LRRTM4: variants seen among roughly 807,000 people sequenced by gnomAD.
LRRTM4 encodes the protein leucine rich repeat transmembrane neuronal 4.
LRRTM4 carries 25 observed loss-of-function variants against 47.6 expected under a neutral mutation model. The ratio of observed to expected loss-of-function variants is 0.53; its 90% confidence interval spans 0.38 to 0.73. LRRTM4 has a LOEUF of 0.73. Ranked by LOEUF, LRRTM4 falls within the 30% of genes least tolerant of loss-of-function variation. The pLI is 0.00. For missense variants in LRRTM4, 638 were observed against 713.4 expected (o/e 0.89, Z 1.20); for synonymous variants, 311 against 269.5 (o/e 1.15, Z -1.51).
At chr2:76,992,712 TAG>T (rs1408679631) in intron 3 of LRRTM4, among the ~76,000 whole-genome samples, 2 of 151,492 alleles carry the variant, frequency 1.3e-5, no homozygotes, top group South Asian at 2.1e-4. Flanking sequence ...AAACAACCTG[TAG>T]ATTCAATGCT....
chr2:76,968,607 ATTCTG>A (rs1676117528), intron 3 of LRRTM4, among the ~76,000 whole-genome samples: 1 of 151,382 alleles, frequency 6.6e-6, no homozygotes, highest in Non-Finnish European at 1.5e-5. Flanking sequence ...TTAGCTAACT[ATTCTG>A]TTTGGGGTTA....
At chr2:77,321,944 C>A (rs1677805818) in intron 3 of LRRTM4, among the ~76,000 whole-genome samples, 1 of 152,116 alleles carries the variant, frequency 6.6e-6, no homozygotes, top group South Asian at 2.1e-4. Context: ...TCTACATTCT[C>A]TTGAGAGGAT....
At chr2:76,864,432 C>T (rs1047066485) in intron 3 of LRRTM4, among the ~76,000 whole-genome samples, 15 of 151,656 alleles carry the variant, frequency 9.9e-5, no homozygotes, top group Non-Finnish European at 1.6e-4. Flanking sequence ...CCTAGGCGGG[C>T]GGATCATCTG....
intron 3 of LRRTM4, among the ~76,000 whole-genome samples, chr2:76,808,517 A>G (rs1670630842): frequency 6.6e-6 from 1 of 152,012 alleles, no homozygotes. Context: ...TGCCGAAAGA[A>G]ACACAATCAC....
At chr2:76,951,699 T>G (rs891527438) in intron 3 of LRRTM4, among the ~76,000 whole-genome samples, 1 of 151,928 alleles carries the variant, frequency 6.6e-6, no homozygotes, top group Non-Finnish European at 1.5e-5. Flanking sequence ...CGTGCCATGG[T>G]GGTTTGCTGC....
In LRRTM4 at chr2:77,519,832, T is replaced by C. The variant is rs1193965764; in HGVS notation, c.37A>G (p.Ser13Gly). Residue 13 changes from serine (S) to glycine (G), a missense_variant, in exon 3 of 4, where the codon AGT (serine) becomes GGT (glycine). Physicochemically the swap from Ser to Gly is moderately conservative, Grantham distance 56 (BLOSUM62 0). Coordinates refer to ENST00000409884, the MANE Select transcript of LRRTM4 (RefSeq NM_001134745.3). The surrounding 1 kb of genome is among the most constrained non-coding windows in gnomAD (Gnocchi z 4.6). The stretch of plus-strand genomic sequence containing the variant: ...GTAGGAAGTAGCACCAGCACCACAC[T>C]CATGCCTTTCAGCTGCGTAATTAAA... ...FHLITQLKGMSVVLVLLPTLL... is the reference protein window; with the variant it reads ...FHLITQLKGMGVVLVLLPTLL... 3.1e-6 allele frequency: 5 copies of C among 1,610,166 alleles called. No individual in the cohort carries two copies. The highest frequency in any genetic ancestry group is 4.2e-6 in the Non-Finnish European group (5 of 1,177,876).
At chr2:76,787,596 G>T (rs1014053792) in intron 3 of LRRTM4, among the ~76,000 whole-genome samples, 2 of 151,588 alleles carry the variant, frequency 1.3e-5, no homozygotes, top group Non-Finnish European at 2.9e-5. Context: ...TTAGTGTTTT[G>T]GTTAAATTGA....
At chr2:77,513,044 AGACAATC>A (rs1366069507) in intron 3 of LRRTM4, among the ~76,000 whole-genome samples, 1 of 152,208 alleles carries the variant, frequency 6.6e-6, no homozygotes, top group Non-Finnish European at 1.5e-5. Flanking sequence ...GACCTAATTC[AGACAATC>A]GATTTTTTAA....
chr2:77,515,632 G>A (rs1200380050), intron 3 of LRRTM4, among the ~76,000 whole-genome samples: 1 of 151,550 alleles, frequency 6.6e-6, no homozygotes, highest in Non-Finnish European at 1.5e-5. Flanking sequence ...TCACAAAAAT[G>A]TCTTATAAAT....
At position 77,487,795 on chromosome 2, in the gene LRRTM4, G is replaced by C. The variant is rs369109505; in HGVS notation, c.1551+30523C>G. Among the ~76,000 whole-genome samples the C allele has an allele frequency of 7.9e-5, 12 of 152,260 alleles. No homozygotes were observed. In the East Asian group the frequency reaches 9.7e-4, roughly 12 times the overall value. On this transcript the variant is annotated intron_variant, in intron 3 of 3. Coordinates refer to ENST00000409884, the MANE Select transcript of LRRTM4 (RefSeq NM_001134745.3). ...CCTATGGCCACCCATGGACCAATCA[G>C]CATGCACTTCCTCCCCTTTGAAGCC...
At chr2:76,834,207 A>ATTT (rs11355686) in intron 3 of LRRTM4, among the ~76,000 whole-genome samples, 1 of 141,118 alleles carries the variant, frequency 7.1e-6, no homozygotes, top group Non-Finnish European at 1.5e-5. Flanking sequence ...TGCCAAGCTA[A>ATTT]TTTTTTTTTT....
At chr2:76,893,971 T>A (rs1047778572) in intron 3 of LRRTM4, among the ~76,000 whole-genome samples, 1 of 151,866 alleles carries the variant, frequency 6.6e-6, no homozygotes, top group African/African-American at 2.4e-5. Context: ...CACATGAGGA[T>A]AAGTTTGACA....
At chr2:77,028,560 T>A (rs572482148) in intron 3 of LRRTM4, among the ~76,000 whole-genome samples, 1 of 152,022 alleles carries the variant, frequency 6.6e-6, no homozygotes, top group Non-Finnish European at 1.5e-5. Context: ...TCAATAATTA[T>A]ACCTATAATT....
At chr2:77,060,617 G>A (rs1158414013) in intron 3 of LRRTM4, among the ~76,000 whole-genome samples, 1 of 152,094 alleles carries the variant, frequency 6.6e-6, no homozygotes, top group Non-Finnish European at 1.5e-5. Flanking sequence ...AATATAGTGT[G>A]CAATATTAAG....
intron 3 of LRRTM4, among the ~76,000 whole-genome samples, chr2:77,272,360 T>C (rs189663581): frequency 6.6e-6 from 1 of 152,078 alleles, no homozygotes; most frequent in African/African-American, 2.4e-5. Flanking sequence ...AGCAATATAA[T>C]GAACATAGTA....
chr2:77,178,324 A>G (rs1375512815), intron 3 of LRRTM4, among the ~76,000 whole-genome samples: 1 of 152,202 alleles, frequency 6.6e-6, no homozygotes, highest in African/African-American at 2.4e-5. Flanking sequence ...GCGGTGGCTC[A>G]TGCCTGTAAT....
intron 3 of LRRTM4, among the ~76,000 whole-genome samples, chr2:76,851,924 A>G (rs542645303): frequency 9.7e-4 from 147 of 152,160 alleles, no homozygotes; most frequent in African/African-American, 3.3e-3. Flanking sequence ...TTACGAGCAA[A>G]TGGGAAGAAG....
chr2:76,968,551 A>G (rs912121123), intron 3 of LRRTM4, among the ~76,000 whole-genome samples: 1 of 151,322 alleles, frequency 6.6e-6, no homozygotes, highest in African/African-American at 2.4e-5. Flanking sequence ...CAGCTAGGCT[A>G]GTCGTTCTCA....
chr2:77,022,004 T>G (rs779891011), intron 3 of LRRTM4, among the ~76,000 whole-genome samples: 1 of 152,136 alleles, frequency 6.6e-6, no homozygotes, highest in Admixed American at 6.5e-5. Context: ...CAAGACCACC[T>G]GTATGAGTCC....
Sources: allele counts gnomAD v4.1 joint callset (sites outside exome capture counted in the v4.1 genomes callset), GRCh38; gene constraint gnomAD v4.1.1; non-coding constraint Gnocchi (gnomAD v3.1); transcripts MANE v1.5; gene names NCBI Gene and HGNC (gene_info 2026-07-23, HGNC 2026-07-21).